SASH1: variants seen among roughly 807,000 people sequenced by gnomAD.
The protein encoded by SASH1 is SAM and SH3 domain containing 1.
SASH1 carries 44 observed loss-of-function variants against 125.2 expected under a neutral mutation model. That is an observed-to-expected ratio of 0.35 (90% confidence interval 0.28 to 0.45). SASH1 has a LOEUF of 0.45. Among genes scored for constraint, SASH1 ranks in the 20% least tolerant of loss-of-function variants. SASH1 has a pLI of 1.00. For missense variants in SASH1, 1,426 were observed against 1,614.5 expected, an observed-to-expected ratio of 0.88 and a Z score of 2.00; for synonymous variants, 639 against 649.1, an observed-to-expected ratio of 0.98 and a Z score of 0.24.
At chr6:148,454,528 A>G (rs138578515) in intron 4 of SASH1, among the ~76,000 whole-genome samples, 24 of 152,226 alleles carry the variant, frequency 1.6e-4, no homozygotes, top group African/African-American at 5.3e-4. Context: ...CTCTTAGGCA[A>G]AAGCAGAGAG....
chr6:148,505,408 G>T (rs765003547), intron 8 of SASH1, among the ~76,000 whole-genome samples: 1 of 152,226 alleles, frequency 6.6e-6, no homozygotes, highest in Non-Finnish European at 1.5e-5. Context: ...CTGCCTCCCA[G>T]GTTCAAGCGA....
intron 1 of SASH1, among the ~76,000 whole-genome samples, chr6:148,325,261 TTTG>T (rs1554235037): frequency 1.3e-4 from 20 of 149,878 alleles, no homozygotes; most frequent in Admixed American, 8.7e-4. Context: ...AAAAGCCTCT[TTTG>T]TTGTTGTTGT....
chr6:148,386,704 G>A (rs947096695), intron 1 of SASH1, among the ~76,000 whole-genome samples: 1 of 152,202 alleles, frequency 6.6e-6, no homozygotes, highest in Non-Finnish European at 1.5e-5. Context: ...CAACTCCAAA[G>A]AGCCCAGGAT....
chr6:148,290,674 C>A (rs1047153820), intron 1 of SASH1, among the ~76,000 whole-genome samples: 7 of 151,496 alleles, frequency 4.6e-5, no homozygotes, highest in African/African-American at 1.5e-4. Flanking sequence ...GCAGCATACT[C>A]GTTAAGAGTC....
At chr6:148,328,792 T>G (rs895136331) in intron 1 of SASH1, among the ~76,000 whole-genome samples, 2 of 152,192 alleles carry the variant, frequency 1.3e-5, no homozygotes, top group African/African-American at 4.8e-5. Flanking sequence ...TTGCTGTCAT[T>G]TATCTTTACA....
Position 148,533,902 on chromosome 6 carries a change from C to T in SASH1, c.1866C>T (p.Arg622=), listed in dbSNP as rs560517488. The change falls in exon 15 of 20, where the codon CGC becomes CGT. Residue 622 remains arginine, a synonymous_variant. Transcript: ENST00000367467. The surrounding 1 kb of genome is among the most constrained non-coding windows in gnomAD (Gnocchi z 6.2). The part of the protein sequence containing the change: ...VLSEDEEKPK[R]PTRRRRKGRP... ...GTGAAGACGAGGAGAAACCCAAACG[C>T]CCCACCAGGAGGCGTCGGAAAGGAC... The T allele has an allele frequency of 8.7e-6, 14 of 1,614,024 alleles. No homozygotes were observed. The East Asian group carries it at 2.9e-4, about 33-fold the overall frequency.
chr6:148,439,851 A>G (rs1328538671), intron 2 of SASH1, among the ~76,000 whole-genome samples: 1 of 152,236 alleles, frequency 6.6e-6, no homozygotes, highest in East Asian at 1.9e-4. Context: ...CAGTAAATTC[A>G]GTGTCTTAGT....
chr6:148,286,569 T>C (rs1374241336), intron 1 of SASH1, among the ~76,000 whole-genome samples: 6 of 152,112 alleles, frequency 3.9e-5, no homozygotes. Context: ...GTCCACAGGA[T>C]TGGTGTCTCC....
chr6:148,334,503 T>C (rs1038824114), intron 1 of SASH1, among the ~76,000 whole-genome samples: 7 of 145,104 alleles, frequency 4.8e-5, no homozygotes, highest in Non-Finnish European at 1.0e-4. Context: ...GGGAAGTGGA[T>C]GACTTTGGCC....
chr6:148,540,331 T>G, intron 16 of SASH1, 112 bp from the exon 17 acceptor site: 1 of 736,660 alleles, frequency 1.4e-6, no homozygotes, highest in Non-Finnish European at 2.3e-6. Context: ...AGATAAATTG[T>G]TCTCTTCCAA....
chr6:148,508,902 G>C, intron 8 of SASH1: 1 of 1,234,562 alleles, frequency 8.1e-7, no homozygotes. Flanking sequence ...GCGTTCAATG[G>C]GAAAGAAAGA....
intron 2 of SASH1, among the ~76,000 whole-genome samples, chr6:148,404,735 C>T (rs1193932010): frequency 2.4e-5 from 3 of 125,168 alleles, no homozygotes; most frequent in African/African-American, 6.2e-5. Context: ...CCAGCCCCAC[C>T]GTTCCCCTCT....
the SASH1 span, among the ~76,000 whole-genome samples, chr6:148,261,606 C>T: frequency 6.6e-6 from 1 of 152,114 alleles, no homozygotes; most frequent in Non-Finnish European, 1.5e-5. Context: ...CATAACGAGG[C>T]CAGCCATGTA....
intron 1 of SASH1, chr6:148,379,993 A>C: frequency 2.2e-6 from 1 of 455,958 alleles, no homozygotes; most frequent in Non-Finnish European, 4.4e-6. Context: ...TGCCACACAA[A>C]GAGTATTTTT....
intron 1 of SASH1, among the ~76,000 whole-genome samples, chr6:148,360,869 A>G (rs1344882848): frequency 6.6e-6 from 1 of 152,112 alleles, no homozygotes; most frequent in Non-Finnish European, 1.5e-5. Context: ...AAAAAAGGAT[A>G]CCTCGAAGTC....
intron 1 of SASH1, among the ~76,000 whole-genome samples, chr6:148,314,853 T>C (rs1780440227): frequency 6.6e-6 from 1 of 150,734 alleles, no homozygotes; most frequent in Admixed American, 6.7e-5. Flanking sequence ...GCCTCCTGGG[T>C]TCAAGTGATT....
intron 4 of SASH1, among the ~76,000 whole-genome samples, chr6:148,456,327 C>T (rs1377957485): frequency 6.6e-6 from 1 of 152,196 alleles, no homozygotes; most frequent in Non-Finnish European, 1.5e-5. Context: ...GACCCCATCT[C>T]CATACCGCCC....
At chr6:148,269,763 G>T (rs529751887), upstream of SASH1, among the ~76,000 whole-genome samples, 1 of 152,068 alleles carries the variant, frequency 6.6e-6, no homozygotes, top group Admixed American at 6.5e-5. Flanking sequence ...GGTGTGGGGG[G>T]GCACAATTCA....
chr6:148,448,258 TTGAG>T (rs1562419244), intron 4 of SASH1, among the ~76,000 whole-genome samples: 2 of 152,162 alleles, frequency 1.3e-5, no homozygotes, highest in Non-Finnish European at 2.9e-5. Flanking sequence ...AATAAATCGA[TTGAG>T]TGAGTGAGCA....
Sources: gnomAD v4.1 joint callset for allele counts (sites outside exome capture counted in the v4.1 genomes callset) on GRCh38, gnomAD v4.1.1 for gene constraint, Gnocchi (gnomAD v3.1) non-coding constraint, MANE v1.5 for transcripts, NCBI Gene and HGNC (gene_info 2026-07-23, HGNC 2026-07-21) for gene names.